The following TMIGD3 variants were observed in gnomAD, a reference collection of about 807,000 sequenced individuals.
TMIGD3 encodes transmembrane and immunoglobulin domain containing 3.
A neutral mutation model predicts 28.1 loss-of-function variants in TMIGD3; 21 were observed. The ratio of observed to expected loss-of-function variants is 0.75; its 90% CI spans 0.53 to 1.08. The LOEUF (loss-of-function observed/expected upper bound fraction) is 1.08, where lower values mean the gene tolerates loss of function less well. TMIGD3 is among the 50% of genes least tolerant of loss of function. The pLI is 0.00. For missense variants in TMIGD3, 416 were observed against 435.6 expected (o/e 0.96, Z 0.40); for synonymous variants, 151 against 162.1 (o/e 0.93, Z 0.52).
intron 1 of TMIGD3, among the ~76,000 whole-genome samples, chr1:111,495,390 A>AT (rs1300254485): frequency 6.6e-6 from 1 of 152,226 alleles, no homozygotes; most frequent in African/African-American, 2.4e-5. Flanking sequence ...CATTAGAGAA[A>AT]TGCAAATCAA....
At chr1:111,558,565 G>C (rs548338661) in intron 1 of TMIGD3, among the ~76,000 whole-genome samples, 1 of 152,276 alleles carries the variant, frequency 6.6e-6, no homozygotes, top group South Asian at 2.1e-4. Flanking sequence ...AAGAGACAAA[G>C]AAAGGTTGAA....
chr1:111,559,674 T>C (rs891669813), intron 1 of TMIGD3, among the ~76,000 whole-genome samples: 1 of 152,226 alleles, frequency 6.6e-6, no homozygotes, highest in African/African-American at 2.4e-5. Flanking sequence ...TTATTATTAA[T>C]ATTTAAAACA....
At chr1:111,496,500 A>G (rs1453977412) in intron 1 of TMIGD3, among the ~76,000 whole-genome samples, 1 of 152,212 alleles carries the variant, frequency 6.6e-6, no homozygotes, top group African/African-American at 2.4e-5. Context: ...AAACAGTAAA[A>G]CAAAACTTAA....
At chr1:111,507,007 A>ATGTG (rs1491528638), upstream of TMIGD3, among the ~76,000 whole-genome samples, 48 of 79,758 alleles carry the variant, frequency 6.0e-4, no homozygotes, top group Middle Eastern at 5.4e-3. Flanking sequence ...ATACACACAC[A>ATGTG]TATGTGTGTG....
intron 1 of TMIGD3, among the ~76,000 whole-genome samples, chr1:111,498,960 G>A (rs944172063): frequency 2.0e-4 from 31 of 151,924 alleles, no homozygotes; most frequent in African/African-American, 7.5e-4. Context: ...GGGCTTGATG[G>A]CATGTACCTG....
intron 1 of TMIGD3, among the ~76,000 whole-genome samples, chr1:111,562,536 G>C (rs1657781293): frequency 6.6e-6 from 1 of 152,198 alleles, no homozygotes; most frequent in Non-Finnish European, 1.5e-5. Context: ...CAGATGATTT[G>C]GAAGTGGAAA....
At chr1:111,533,605 G>A (rs1656525285) in intron 1 of TMIGD3, among the ~76,000 whole-genome samples, 1 of 152,120 alleles carries the variant, frequency 6.6e-6, no homozygotes, top group African/African-American at 2.4e-5. Flanking sequence ...CCATGCTGGA[G>A]TGCAATGGCA....
In TMIGD3 at chr1:111,510,302, T is replaced by C. The variant is rs1655647444; in HGVS notation, c.108-19540A>G. 2.0e-5 allele frequency among the ~76,000 whole-genome samples: 3 copies of C among 152,192 alleles called. No homozygotes were observed. The South Asian group carries it at 6.2e-4, about 32-fold the overall frequency. The stretch of plus-strand genomic sequence containing the variant: ...TTCCCTGCTGAAATGTCTTCCCAGA[T>C]GACCTTAGTCCCTCTGCTTTGTATG... On this transcript the variant is annotated intron_variant, in intron 1 of 5. Transcript: ENST00000369717.
intron 1 of TMIGD3, among the ~76,000 whole-genome samples, chr1:111,542,725 C>A (rs1258473517): frequency 6.6e-6 from 1 of 151,498 alleles, no homozygotes; most frequent in South Asian, 2.1e-4. Context: ...GAGATGGAGT[C>A]TCACCCTGTC....
At chr1:111,554,338 A>C (rs901387962) in intron 1 of TMIGD3, among the ~76,000 whole-genome samples, 3 of 152,248 alleles carry the variant, frequency 2.0e-5, no homozygotes, top group Non-Finnish European at 4.4e-5. Context: ...AACCTACCAG[A>C]TAAAAAATTA....
At chr1:111,505,501 T>G (rs1046679838), upstream of TMIGD3, among the ~76,000 whole-genome samples, 2 of 152,192 alleles carry the variant, frequency 1.3e-5, no homozygotes, top group African/African-American at 4.8e-5. Context: ...ATAGACAAGG[T>G]CCATCAGTGC....
chr1:111,538,391 G>A (rs1023396606), intron 1 of TMIGD3, among the ~76,000 whole-genome samples: 2 of 152,192 alleles, frequency 1.3e-5, no homozygotes, highest in Non-Finnish European at 2.9e-5. Flanking sequence ...CAGGCTCACT[G>A]TTTAGAAACA....
At chr1:111,508,187 C>G (rs1206801826), upstream of TMIGD3, among the ~76,000 whole-genome samples, 1 of 150,906 alleles carries the variant, frequency 6.6e-6, no homozygotes, top group Non-Finnish European at 1.5e-5. Flanking sequence ...CCTCACCCAC[C>G]AGACCCCCCC....
At chr1:111,563,069 G>C (rs568411430) in intron 1 of TMIGD3, among the ~76,000 whole-genome samples, 1 of 152,130 alleles carries the variant, frequency 6.6e-6, no homozygotes, top group Non-Finnish European at 1.5e-5. Context: ...AGTAAGCAGC[G>C]TACTCAAAGT....
intron 1 of TMIGD3, among the ~76,000 whole-genome samples, chr1:111,549,310 T>C (rs1230966570): frequency 8.1e-6 from 1 of 123,348 alleles, no homozygotes; most frequent in Non-Finnish European, 1.6e-5. Context: ...AGTCATGGGC[T>C]TTTTTTTTTT....
chr1:111,537,924 A>G (rs564775601), intron 1 of TMIGD3, among the ~76,000 whole-genome samples: 1 of 152,266 alleles, frequency 6.6e-6, no homozygotes, highest in East Asian at 1.9e-4. Flanking sequence ...ATTTAAGGGC[A>G]TTTTCCTCCC....
At chr1:111,530,618 A>G (rs1656426723) in intron 1 of TMIGD3, among the ~76,000 whole-genome samples, 1 of 152,188 alleles carries the variant, frequency 6.6e-6, no homozygotes, top group Non-Finnish European at 1.5e-5. Context: ...TTTTTCTTTC[A>G]GTACCTTAAA....
Position 111,483,474 on chromosome 1 carries a change from A to G in TMIGD3, c.*213T>C, listed in dbSNP as rs1379659472. The G allele has an allele frequency of 1.3e-5, 7 of 540,036 alleles. No homozygotes were observed. Among genetic ancestry groups the G allele is most frequent in the Non-Finnish European group, 2.3e-5 (7 of 300,804 alleles). 33.5% of individuals were successfully genotyped at this position (540,036 alleles called of 1,614,324 possible). A position where few individuals can be genotyped will look rare whatever the true frequency, so the allele number is the denominator to read the frequency against. On this transcript the variant is annotated 3_prime_UTR_variant, in exon 6 of 6. Transcript: ENST00000369716. Reference sequence around the variant, plus strand: ...AATGCATAAGAACTAAGATCTTGAGATGTTATTTGAGGGCAGCCTTGCTTG... The same window carrying G: ...AATGCATAAGAACTAAGATCTTGAGGTGTTATTTGAGGGCAGCCTTGCTTG...
intron 3 of TMIGD3, among the ~76,000 whole-genome samples, chr1:111,488,287 A>T (rs113195076): frequency 6.6e-6 from 1 of 151,914 alleles, no homozygotes; most frequent in Non-Finnish European, 1.5e-5. Context: ...CAGTGGCGCA[A>T]TCTCGGCTCA....
Sources: allele counts gnomAD v4.1 joint callset (sites outside exome capture counted in the v4.1 genomes callset), GRCh38; gene constraint gnomAD v4.1.1; transcripts MANE v1.5; gene names NCBI Gene and HGNC (gene_info 2026-07-23, HGNC 2026-07-21).